Variants in PPFIBP2 observed in about 807,000 individuals in gnomAD.
PPFIBP2 encodes the protein PPFIB scaffold protein 2.
A neutral mutation model predicts 118.3 loss-of-function variants in PPFIBP2; 118 were observed. That is an observed-to-expected ratio of 1.00 (90% CI 0.86 to 1.16). PPFIBP2 has a LOEUF of 1.16. Ranked by LOEUF, PPFIBP2 falls within the 50% of genes most tolerant of loss-of-function variation. The pLI is 0.00. For missense variants in PPFIBP2, 1,195 were observed against 1,073.1 expected, an observed-to-expected ratio of 1.11 and a Z score of -1.59; for synonymous variants, 414 against 397.4, an observed-to-expected ratio of 1.04 and a Z score of -0.50.
At chr11:7,651,247 G>A in intron 22 of PPFIBP2, 1 of 349,500 alleles carries the variant, frequency 2.9e-6, no homozygotes, top group East Asian at 4.8e-5. Flanking sequence ...CGAGGGAACA[G>A]CAGGGCTGAG....
chr11:7,629,575 T>C (rs1293917061), intron 10 of PPFIBP2, 41 bp downstream of exon 10: 4 of 1,593,778 alleles, frequency 2.5e-6, no homozygotes, highest in East Asian at 2.2e-5. Context: ...CTGAAAGATA[T>C]TCCATCAGCT....
chr11:7,663,646 C>T, the PPFIBP2 span, among the ~76,000 whole-genome samples: 8,047 of 152,314 alleles, frequency 0.053, 404 homozygotes, highest in African/African-American at 0.13. Context: ...CAGAGGCAGG[C>T]AGGCCTCCTT....
intron 3 of PPFIBP2, among the ~76,000 whole-genome samples, chr11:7,574,980 C>T (rs1385917123): frequency 6.6e-6 from 1 of 152,142 alleles, no homozygotes; most frequent in Non-Finnish European, 1.5e-5. Flanking sequence ...CCCTTCCTCC[C>T]TTTTCTGTCC....
the PPFIBP2 span, among the ~76,000 whole-genome samples, chr11:7,662,911 C>A: frequency 7.3e-6 from 1 of 137,288 alleles, no homozygotes; most frequent in South Asian, 2.6e-4. Context: ...TCTTCCATCA[C>A]TGATACCCTT....
intron 5 of PPFIBP2, among the ~76,000 whole-genome samples, chr11:7,598,945 C>A (rs7925061): frequency 0.12 from 18,044 of 151,948 alleles, 2,046 homozygotes; most frequent in African/African-American, 0.29. Context: ...CATAAAAACC[C>A]GTTTCAATGA....
At chr11:7,632,323 CATT>C (rs1362460442) in intron 11 of PPFIBP2, 1 of 154,324 alleles carries the variant, frequency 6.5e-6, no homozygotes, top group East Asian at 1.9e-4. Flanking sequence ...GAGCATTGCA[CATT>C]ATTCTGTTAT....
chr11:7,608,872 G>A (rs551428262), intron 5 of PPFIBP2, among the ~76,000 whole-genome samples: 99 of 152,314 alleles, frequency 6.5e-4, no homozygotes, highest in Non-Finnish European at 1.2e-3. Flanking sequence ...TGCATTGGAC[G>A]CACTCATCTG....
chr11:7,641,832 T>C (rs1177051382), intron 16 of PPFIBP2: 2 of 585,040 alleles, frequency 3.4e-6, no homozygotes, highest in African/African-American at 3.7e-5. Context: ...TTGCCTTTCA[T>C]GTCATGCATC....
chr11:7,545,723 T>C (rs751742587), intron 1 of PPFIBP2, among the ~76,000 whole-genome samples: 3 of 152,158 alleles, frequency 2.0e-5, no homozygotes, highest in Non-Finnish European at 4.4e-5. Context: ...TCCTTCCAGT[T>C]TGCTAGCACA....
chr11:7,544,640 G>A (rs148674550), intron 1 of PPFIBP2, among the ~76,000 whole-genome samples: 2,293 of 152,122 alleles, frequency 0.015, 84 homozygotes, highest in African/African-American at 0.053. Context: ...CAGGCGTGGT[G>A]GCGGGCACCT....
chr11:7,529,980 C>A (rs1223942000), intron 1 of PPFIBP2, among the ~76,000 whole-genome samples: 1 of 152,240 alleles, frequency 6.6e-6, no homozygotes, highest in Non-Finnish European at 1.5e-5. Flanking sequence ...ATCCCAGGGT[C>A]TGCCACTTTG....
At chr11:7,572,619 C>T (rs1855776815) in intron 3 of PPFIBP2, among the ~76,000 whole-genome samples, 1 of 152,234 alleles carries the variant, frequency 6.6e-6, no homozygotes, top group Non-Finnish European at 1.5e-5. Context: ...TAGACACCCA[C>T]TTACCCTCCA....
intron 4 of PPFIBP2, among the ~76,000 whole-genome samples, chr11:7,596,567 A>G (rs932678323): frequency 3.9e-5 from 6 of 152,172 alleles, no homozygotes; most frequent in Admixed American, 3.9e-4. Flanking sequence ...ATAATTCAGA[A>G]AGTTTATCTA....
At chr11:7,640,373 A>G (rs1245228133) in intron 15 of PPFIBP2, among the ~76,000 whole-genome samples, 2 of 152,212 alleles carry the variant, frequency 1.3e-5, no homozygotes, top group Non-Finnish European at 2.9e-5. Context: ...TCAGTGGCCA[A>G]TGGGCAAGGG....
rs73411127 is a variant in PPFIBP2 at position 7,572,572 on chromosome 11, G to C, written c.279+6805G>C. On this transcript the variant is annotated intron_variant, in intron 3 of 23. Transcript: ENST00000299492. ...TCAGGCCCAGGGGCCGTGGTGGACA[G>C]TGTTGCCAGGTTAGCATAACTTGAG... 4.6e-5 allele frequency among the ~76,000 whole-genome samples: 7 copies of C among 152,292 alleles called. No homozygotes were observed. In the East Asian group the frequency reaches 1.2e-3, roughly 25 times the overall value.
chr11:7,666,741 G>C, the PPFIBP2 span: 1 of 491,194 alleles, frequency 2.0e-6, no homozygotes, highest in Non-Finnish European at 3.7e-6. Flanking sequence ...TGTGGATGAA[G>C]TTCCTCCATG....
intron 10 of PPFIBP2, 45 bp from the exon 11 acceptor site, chr11:7,630,880 G>C (rs1309340679): frequency 1.4e-6 from 2 of 1,398,926 alleles, no homozygotes; most frequent in Non-Finnish European, 2.0e-6. Flanking sequence ...ATAGGTTTCT[G>C]AACATGAATT....
chr11:7,585,877 C>T (rs1453871709), intron 3 of PPFIBP2, among the ~76,000 whole-genome samples: 1 of 152,196 alleles, frequency 6.6e-6, no homozygotes, highest in Non-Finnish European at 1.5e-5. Context: ...GAAATAAAAA[C>T]CCAAGTGTTT....
rs565373794 is a variant in PPFIBP2, at chr11:7,650,999, G to T, written c.2247+34G>T. 10 of 1,596,106 alleles carry T rather than the reference G, an allele frequency of 6.3e-6. No individual in the cohort carries two copies. The South Asian group carries it at 1.1e-4, about 18-fold the overall frequency. On this transcript the variant is annotated intron_variant, in intron 22 of 23. Coordinates refer to ENST00000299492, the MANE Select transcript of PPFIBP2 (RefSeq NM_003621.5). Reference sequence around the variant, plus strand: ...CTCTCTGGCCTAGCCCACCTGCCTTGGTGCAAATGGGATATTCAGAAACTT... The same window carrying T: ...CTCTCTGGCCTAGCCCACCTGCCTTTGTGCAAATGGGATATTCAGAAACTT...
Sources: allele counts gnomAD v4.1 joint callset (sites outside exome capture counted in the v4.1 genomes callset), GRCh38; gene constraint gnomAD v4.1.1; transcripts MANE v1.5; gene names NCBI Gene and HGNC (gene_info 2026-07-23, HGNC 2026-07-21).